The following FGGY variants were observed in gnomAD, a reference collection of about 807,000 sequenced individuals.
FGGY encodes FGGY carbohydrate kinase domain-containing protein.
Under a neutral mutation model 71.3 loss-of-function variants are expected in FGGY, and 72 were observed. The ratio of observed to expected loss-of-function variants is 1.01; its 90% CI spans 0.84 to 1.23. FGGY has a LOEUF of 1.23. Ranked by LOEUF, FGGY falls within the 50% of genes most tolerant of loss-of-function variation. FGGY has a pLI of 0.00. For synonymous variants in FGGY, 251 were observed against 250.3 expected (o/e 1.00, Z -0.02); for missense variants, 668 against 682.3 (o/e 0.98, Z 0.23).
chr1:59,577,661 G>C (rs1407306552), intron 8 of FGGY, among the ~76,000 whole-genome samples: 1 of 152,052 alleles, frequency 6.6e-6, no homozygotes, highest in East Asian at 1.9e-4. Context: ...AGTTAAGTAG[G>C]AATATGTTAG....
intron 14 of FGGY, among the ~76,000 whole-genome samples, chr1:59,701,017 C>T (rs1028714451): frequency 6.6e-6 from 1 of 152,168 alleles, no homozygotes; most frequent in Non-Finnish European, 1.5e-5. Context: ...TCTTTCCTTT[C>T]TCTGCTGCCA....
chr1:59,477,526 A>G (rs1318758164), intron 6 of FGGY, among the ~76,000 whole-genome samples: 2 of 152,154 alleles, frequency 1.3e-5, no homozygotes, highest in African/African-American at 4.8e-5. Flanking sequence ...GGAGGTAGTG[A>G]GTCATGGAGC....
intron 10 of FGGY, among the ~76,000 whole-genome samples, chr1:59,630,484 A>G (rs1469326171): frequency 6.6e-6 from 1 of 152,158 alleles, no homozygotes; most frequent in African/African-American, 2.4e-5. Flanking sequence ...GAATGTCTCA[A>G]TGACTACTAG....
chr1:59,449,697 T>G (rs2153495166), intron 5 of FGGY, among the ~76,000 whole-genome samples: 1 of 152,230 alleles, frequency 6.6e-6, no homozygotes, highest in Non-Finnish European at 1.5e-5. Context: ...GCGACTCACC[T>G]CACACCTGTA....
chr1:59,706,569 G>A (rs1168533776), intron 14 of FGGY, among the ~76,000 whole-genome samples: 1 of 152,192 alleles, frequency 6.6e-6, no homozygotes, highest in Non-Finnish European at 1.5e-5. Context: ...AAATGAGTAT[G>A]AAAATATCTA....
intron 9 of FGGY, among the ~76,000 whole-genome samples, chr1:59,622,037 A>T (rs2096814260): frequency 6.6e-6 from 1 of 151,168 alleles, no homozygotes; most frequent in African/African-American, 2.4e-5. Flanking sequence ...TCTCTCTCTA[A>T]GTCTCCCAGT....
chr1:59,591,390 A>G (rs1341452061), intron 8 of FGGY, among the ~76,000 whole-genome samples: 3 of 152,212 alleles, frequency 2.0e-5, no homozygotes, highest in Non-Finnish European at 2.9e-5. Flanking sequence ...ATTCAGTGCC[A>G]TCCCCATCAA....
rs1255570122 is a variant in FGGY at position 59,481,466 on chromosome 1, C to T, written c.670+24390C>T. The stretch of plus-strand genomic sequence containing the variant: ...GCTTTCTCTCTTCCTGAATGCATGT[C>T]CCTATTCTTCAGCAAATACTCTTCT... On this transcript the variant is annotated intron_variant, in intron 6 of 15. Coordinates refer to ENST00000303721, the MANE Select transcript of FGGY (RefSeq NM_018291.5). Among the ~76,000 whole-genome samples the T allele has an allele frequency of 2.0e-5, 3 of 152,038 alleles. No homozygotes were observed. In the East Asian group the frequency reaches 5.8e-4, roughly 29 times the overall value.
intron 5 of FGGY, among the ~76,000 whole-genome samples, chr1:59,385,732 A>G (rs931457625): frequency 6.6e-6 from 1 of 152,180 alleles, no homozygotes; most frequent in Non-Finnish European, 1.5e-5. Context: ...AGTGAAAATA[A>G]TGATAAGATA....
intron 14 of FGGY, among the ~76,000 whole-genome samples, chr1:59,727,937 A>C (rs925525333): frequency 6.6e-6 from 1 of 152,146 alleles, no homozygotes; most frequent in Non-Finnish European, 1.5e-5. Context: ...TAACCTGTCT[A>C]AGTTAAAAGT....
At chr1:59,344,982 T>A (rs186226020) in intron 3 of FGGY, among the ~76,000 whole-genome samples, 2 of 152,332 alleles carry the variant, frequency 1.3e-5, no homozygotes, top group Admixed American at 1.3e-4. Flanking sequence ...AATTGATTTA[T>A]CTGTTCTCTA....
chr1:59,630,545 A>G (rs1225179089), intron 10 of FGGY, among the ~76,000 whole-genome samples: 7 of 152,206 alleles, frequency 4.6e-5, no homozygotes, highest in Non-Finnish European at 4.4e-5. Context: ...TTCATTTTAC[A>G]GGCATTAATA....
chr1:59,632,749 T>A (rs1350153333), intron 10 of FGGY, among the ~76,000 whole-genome samples: 1 of 152,214 alleles, frequency 6.6e-6, no homozygotes, highest in Non-Finnish European at 1.5e-5. Flanking sequence ...TCTCTTTCCA[T>A]TCTGCTCTTT....
chr1:59,393,524 T>C (rs1426364821), intron 5 of FGGY, among the ~76,000 whole-genome samples: 1 of 152,150 alleles, frequency 6.6e-6, no homozygotes, highest in Non-Finnish European at 1.5e-5. Context: ...GCTAGAGAAA[T>C]GTGGTGATGT....
At chr1:59,457,280 A>G (rs1220147157) in intron 6 of FGGY, among the ~76,000 whole-genome samples, 1 of 152,192 alleles carries the variant, frequency 6.6e-6, no homozygotes, top group Non-Finnish European at 1.5e-5. Flanking sequence ...TGAACTGAGT[A>G]GAGATACATG....
intron 14 of FGGY, among the ~76,000 whole-genome samples, chr1:59,718,753 G>A (rs188940918): frequency 2.6e-5 from 4 of 152,194 alleles, no homozygotes; most frequent in East Asian, 3.9e-4. Context: ...GACACTCCCC[G>A]CTGTATACCA....
At chr1:59,467,911 G>GTT (rs11438852) in intron 6 of FGGY, among the ~76,000 whole-genome samples, 41 of 149,786 alleles carry the variant, frequency 2.7e-4, no homozygotes, top group South Asian at 1.1e-3. Flanking sequence ...GTTTTGTTTT[G>GTT]TTTTTTTTTG....
intron 8 of FGGY, among the ~76,000 whole-genome samples, chr1:59,569,010 A>G (rs1400720529): frequency 6.6e-6 from 1 of 152,206 alleles, no homozygotes; most frequent in East Asian, 1.9e-4. Flanking sequence ...AAGGCTGCTC[A>G]TTTTTATGCA....
intron 7 of FGGY, among the ~76,000 whole-genome samples, chr1:59,541,091 GTGAGCCT>G (rs552843366): frequency 1.6e-4 from 25 of 152,250 alleles, no homozygotes; most frequent in Non-Finnish European, 2.8e-4. Flanking sequence ...GTCTTTAACA[GTGAGCCT>G]TCCTCAAACA....
Sources: gnomAD v4.1 joint callset for allele counts (sites outside exome capture counted in the v4.1 genomes callset) on GRCh38, gnomAD v4.1.1 for gene constraint, MANE v1.5 for transcripts, NCBI Gene and HGNC (gene_info 2026-07-23, HGNC 2026-07-21) for gene names.